The following SNTG1 variants were observed in gnomAD, a reference collection of about 807,000 sequenced individuals.
The protein encoded by SNTG1 is gamma-1-syntrophin.
SNTG1 carries 39 observed loss-of-function variants against 74.7 expected under a neutral mutation model. That is an observed-to-expected ratio of 0.52 (90% CI 0.40 to 0.68). The LOEUF is 0.68. SNTG1 is among the 30% of genes least tolerant of loss of function. The pLI is 0.00. For missense variants in SNTG1, 685 were observed against 609.5 expected, an observed-to-expected ratio of 1.12 and a Z score of -1.30; for synonymous variants, 254 against 217.1, an observed-to-expected ratio of 1.17 and a Z score of -1.49.
intron 1 of SNTG1, among the ~76,000 whole-genome samples, chr8:49,928,992 T>C (rs1807304218): frequency 6.6e-6 from 1 of 151,904 alleles, no homozygotes; most frequent in Admixed American, 6.6e-5. Flanking sequence ...AATATAAGAA[T>C]GTAATTAATG....
At chr8:50,302,903 A>G (rs531396875) in intron 2 of SNTG1, among the ~76,000 whole-genome samples, 4 of 152,250 alleles carry the variant, frequency 2.6e-5, no homozygotes, top group African/African-American at 9.6e-5. Context: ...GCTTTTGACG[A>G]TTGTGTCCAG....
chr8:50,144,352 G>GA (rs2131489098), intron 1 of SNTG1, among the ~76,000 whole-genome samples: 1 of 152,232 alleles, frequency 6.6e-6, no homozygotes, highest in East Asian at 1.9e-4. Context: ...TGATAGGACA[G>GA]AATAACCTAA....
At chr8:50,288,063 A>G (rs1441227609) in intron 2 of SNTG1, among the ~76,000 whole-genome samples, 2 of 152,310 alleles carry the variant, frequency 1.3e-5, no homozygotes, top group East Asian at 3.9e-4. Flanking sequence ...TATTTACAAA[A>G]ATACCAGGAT....
chr8:50,181,228 A>G (rs551769989), intron 2 of SNTG1, among the ~76,000 whole-genome samples: 5 of 152,266 alleles, frequency 3.3e-5, no homozygotes, highest in Admixed American at 6.5e-5. Flanking sequence ...CTCATGTCCT[A>G]TGCTTTTACA....
At chr8:50,076,174 T>G (rs203931) in intron 1 of SNTG1, among the ~76,000 whole-genome samples, 1 of 152,104 alleles carries the variant, frequency 6.6e-6, no homozygotes, top group East Asian at 1.9e-4. Context: ...AGCCAAAAGG[T>G]TGGCATTGAT....
chr8:50,627,803 T>G (rs2094966854), intron 13 of SNTG1, among the ~76,000 whole-genome samples: 1 of 152,238 alleles, frequency 6.6e-6, no homozygotes. Context: ...GGAGCTTCCA[T>G]GTCTCCTTCA....
chr8:50,453,816 C>T lies in SNTG1; in HGVS notation c.363+3087C>T, dbSNP rs529220612. Among the ~76,000 whole-genome samples the T allele has an allele frequency of 7.4e-4, 113 of 151,736 alleles. 1 individual carries two copies. The highest frequency in any genetic ancestry group is 1.8e-3 in the Admixed American group (28 of 15,276). ...GGTGGGACAGGGTCTGCTTAGGAGC[C>T]ATGATGGGCCCTGGGGGGTCACACA... On this transcript the variant is annotated intron_variant, in intron 8 of 18. Coordinates refer to ENST00000642720, the MANE Select transcript of SNTG1 (RefSeq NM_018967.5).
chr8:50,562,401 G>A lies in SNTG1; in HGVS notation c.810+9222G>A, dbSNP rs141152084. Among the ~76,000 whole-genome samples the A allele has an allele frequency of 5.4e-3, 819 of 152,338 alleles. 7 individuals are homozygous for A. The highest frequency in any genetic ancestry group is 0.018 in the African/African-American group (760 of 41,586). ...GAGAGAACAAGAGACAGCAGTGAAA[G>A]AGGAACTGAACCCAGTATTTCTGGC... On this transcript the variant is annotated intron_variant, in intron 12 of 18. Transcript: ENST00000642720.
At chr8:50,428,487 A>G (rs2093192509) in intron 4 of SNTG1, among the ~76,000 whole-genome samples, 1 of 152,220 alleles carries the variant, frequency 6.6e-6, no homozygotes, top group Non-Finnish European at 1.5e-5. Flanking sequence ...CAAAAGTGGA[A>G]TTGTGCAATT....
chr8:50,462,796 CTTTTTTTTTTTTT>C (rs869119447), intron 8 of SNTG1, among the ~76,000 whole-genome samples: 6 of 57,412 alleles, frequency 1.0e-4, no homozygotes, highest in Admixed American at 4.9e-4. Context: ...AGGTTCTACT[CTTTTTTTTTTTTT>C]TTTTTTTTTT....
intron 15 of SNTG1, among the ~76,000 whole-genome samples, chr8:50,680,749 A>G (rs984405155): frequency 1.8e-4 from 28 of 152,096 alleles, no homozygotes; most frequent in Non-Finnish European, 2.1e-4. Context: ...GTGACGTGGA[A>G]GCATTGGGCT....
At chr8:49,924,541 A>G (rs900639607) in intron 1 of SNTG1, among the ~76,000 whole-genome samples, 1 of 152,218 alleles carries the variant, frequency 6.6e-6, no homozygotes, top group Non-Finnish European at 1.5e-5. Flanking sequence ...GCATTGTGAT[A>G]TCACTATAAG....
intron 18 of SNTG1, among the ~76,000 whole-genome samples, chr8:50,782,874 G>C (rs1391699992): frequency 6.6e-6 from 1 of 152,066 alleles, no homozygotes; most frequent in Non-Finnish European, 1.5e-5. Flanking sequence ...ATGTAAGATG[G>C]GTTTTTGGGG....
intron 12 of SNTG1, among the ~76,000 whole-genome samples, chr8:50,577,132 C>T (rs1404663174): frequency 6.6e-6 from 1 of 152,066 alleles, no homozygotes; most frequent in African/African-American, 2.4e-5. Flanking sequence ...GCTTATGTTC[C>T]GTTAAGGTAG....
chr8:50,781,568 T>G (rs1419106518), intron 18 of SNTG1, among the ~76,000 whole-genome samples: 5 of 152,240 alleles, frequency 3.3e-5, no homozygotes, highest in Non-Finnish European at 5.9e-5. Flanking sequence ...TAGGTCTTCC[T>G]CCATCCTTTT....
intron 12 of SNTG1, among the ~76,000 whole-genome samples, chr8:50,557,032 G>A (rs1227098721): frequency 8.5e-5 from 13 of 152,118 alleles, no homozygotes; most frequent in Admixed American, 8.5e-4. Flanking sequence ...ACACCACTCA[G>A]ACAGGCACAG....
intron 1 of SNTG1, among the ~76,000 whole-genome samples, chr8:50,102,156 C>T (rs1415894810): frequency 6.8e-6 from 1 of 148,070 alleles, no homozygotes; most frequent in Non-Finnish European, 1.5e-5. Context: ...AATGGTTGAA[C>T]TAGTTTACAG....
intron 12 of SNTG1, among the ~76,000 whole-genome samples, chr8:50,569,602 G>C (rs1266604942): frequency 6.6e-6 from 1 of 151,974 alleles, no homozygotes; most frequent in African/African-American, 2.4e-5. Flanking sequence ...AACAAAGCTT[G>C]TAGGTGAATT....
chr8:50,039,658 T>C (rs1193219231), intron 1 of SNTG1, among the ~76,000 whole-genome samples: 1 of 152,112 alleles, frequency 6.6e-6, no homozygotes, highest in Non-Finnish European at 1.5e-5. Context: ...TTTTTGCCTA[T>C]AGAGTATATT....
Sources: allele counts gnomAD v4.1 joint callset (sites outside exome capture counted in the v4.1 genomes callset), GRCh38; gene constraint gnomAD v4.1.1; transcripts MANE v1.5; gene names NCBI Gene and HGNC (gene_info 2026-07-23, HGNC 2026-07-21).